SOX5: variants seen among roughly 807,000 people sequenced by gnomAD.
The protein encoded by SOX5 is SRY-box transcription factor 5.
Under a neutral mutation model 92.0 loss-of-function variants are expected in SOX5, and 9 were observed. The ratio of observed to expected loss-of-function variants is 0.10; its 90% CI spans 0.06 to 0.17. The LOEUF (loss-of-function observed/expected upper bound fraction) is 0.17. Among genes scored for constraint, SOX5 ranks in the 10% least tolerant of loss-of-function variants. The probability of loss-of-function intolerance (pLI) is 1.00; values close to 1 mark genes in which losing one functional copy is unlikely to be tolerated. For missense variants in SOX5, 642 were observed against 944.5 expected (o/e 0.68, Z 4.20); for synonymous variants, 344 against 336.3 (o/e 1.02, Z -0.25).
chr12:23,981,827 C>G (rs1267089219), intron 4 of SOX5, among the ~76,000 whole-genome samples: 1 of 152,092 alleles, frequency 6.6e-6, no homozygotes, highest in East Asian at 1.9e-4. Context: ...CTTTCTAATT[C>G]ATAAAACACA....
chr12:23,698,412 T>C (rs1476742814), intron 6 of SOX5, among the ~76,000 whole-genome samples: 1 of 152,296 alleles, frequency 6.6e-6, no homozygotes, highest in Middle Eastern at 3.4e-3. Flanking sequence ...CTGAATAGTT[T>C]TAATTGCTAT....
chr12:23,915,486 C>T (rs1368879469), intron 1 of SOX5, among the ~76,000 whole-genome samples: 1 of 151,976 alleles, frequency 6.6e-6, no homozygotes, highest in Non-Finnish European at 1.5e-5. Context: ...CTGAATCTTG[C>T]TAGAAAAGTG....
At chr12:23,785,497 A>G (rs941708571) in intron 3 of SOX5, among the ~76,000 whole-genome samples, 4 of 152,226 alleles carry the variant, frequency 2.6e-5, no homozygotes, top group African/African-American at 9.6e-5. Flanking sequence ...CAAATAGTAA[A>G]TTTTGATAAT....
intron 4 of SOX5, among the ~76,000 whole-genome samples, chr12:23,989,307 T>G (rs1195130846): frequency 6.6e-6 from 1 of 151,668 alleles, no homozygotes; most frequent in Non-Finnish European, 1.5e-5. Context: ...TGGGAAGATT[T>G]CTTAAGCCTG....
intron 3 of SOX5, among the ~76,000 whole-genome samples, chr12:23,804,002 G>A (rs1490508106): frequency 1.3e-5 from 2 of 152,142 alleles, no homozygotes; most frequent in African/African-American, 2.4e-5. Flanking sequence ...ACAACAAAAA[G>A]TTATAGGTTT....
In SOX5 at chr12:24,398,900, C is replaced by T. The variant is rs552401840; in HGVS notation, c.-250-30261G>A. On this transcript the variant is annotated intron_variant, in intron 1 of 4. Coordinates refer to the SOX5 transcript ENST00000446891. The stretch of plus-strand genomic sequence containing the variant: ...CACGTGCACTGGGTATTACCATGAC[C>T]TCGGGCTCCACACCTGTGTCAGAAT... Among the ~76,000 whole-genome samples the T allele has an allele frequency of 3.9e-5, 6 of 152,206 alleles. No individual in the cohort carries two copies. In the East Asian group the frequency reaches 9.7e-4, roughly 25 times the overall value.
At chr12:23,899,772 G>C (rs1432353946) in intron 1 of SOX5, among the ~76,000 whole-genome samples, 1 of 152,158 alleles carries the variant, frequency 6.6e-6, no homozygotes, top group Non-Finnish European at 1.5e-5. Context: ...ACAACTATTT[G>C]ATGATCAGCT....
chr12:24,319,086 G>T (rs772688972), intron 2 of SOX5, among the ~76,000 whole-genome samples: 1 of 152,176 alleles, frequency 6.6e-6, no homozygotes, highest in Non-Finnish European at 1.5e-5. Context: ...CTGAGGAAGA[G>T]GTGCTCTTCT....
At chr12:23,689,561 T>C (rs1042352108) in intron 6 of SOX5, among the ~76,000 whole-genome samples, 1 of 152,194 alleles carries the variant, frequency 6.6e-6, no homozygotes, top group East Asian at 1.9e-4. Context: ...TTCTCATCTA[T>C]TTTTATGCTT....
intron 1 of SOX5, among the ~76,000 whole-genome samples, chr12:24,430,636 T>A (rs1240259014): frequency 6.6e-6 from 1 of 152,028 alleles, no homozygotes; most frequent in African/African-American, 2.4e-5. Flanking sequence ...AGGAGATCAT[T>A]TTCTAATTTT....
At chr12:23,957,582 A>C (rs1327454481) in intron 4 of SOX5, among the ~76,000 whole-genome samples, 1 of 152,230 alleles carries the variant, frequency 6.6e-6, no homozygotes, top group East Asian at 1.9e-4. Context: ...TAATGTTAGA[A>C]ATCCTGACAG....
intron 4 of SOX5, among the ~76,000 whole-genome samples, chr12:24,143,494 T>C (rs912421111): frequency 3.3e-5 from 5 of 151,980 alleles, no homozygotes; most frequent in Non-Finnish European, 5.9e-5. Flanking sequence ...AATAAAAGCA[T>C]GGAAAATTTA....
In SOX5 at chr12:24,392,219, T is replaced by C. The variant is rs373302560; in HGVS notation, c.-250-23580A>G. ...GCAATGGTCTTTCCACCTATCTCCC[T>C]GTTCGAGTCTTATCCTCCAGTCTGT... On this transcript the variant is annotated intron_variant, in intron 1 of 4. Transcript: ENST00000446891. Among the ~76,000 whole-genome samples the C allele has an allele frequency of 1.4e-3, 212 of 152,308 alleles. 1 individual carries two copies. Among genetic ancestry groups the C allele is most frequent in the African/African-American group, 5.0e-3 (207 of 41,556 alleles).
intron 4 of SOX5, among the ~76,000 whole-genome samples, chr12:24,136,645 C>T (rs1950135654): frequency 6.6e-6 from 1 of 152,164 alleles, no homozygotes; most frequent in South Asian, 2.1e-4. Flanking sequence ...GTGGGGAGGG[C>T]AGTCTTGGCT....
intron 6 of SOX5, among the ~76,000 whole-genome samples, chr12:23,696,952 A>T (rs2089967175): frequency 6.6e-6 from 1 of 152,146 alleles, no homozygotes; most frequent in African/African-American, 2.4e-5. Flanking sequence ...TTGATCACAA[A>T]ACATGGTTTA....
At chr12:24,449,553 C>A (rs961829385) in intron 1 of SOX5, among the ~76,000 whole-genome samples, 24 of 152,174 alleles carry the variant, frequency 1.6e-4, no homozygotes, top group Non-Finnish European at 7.3e-5. Flanking sequence ...TTGCTTTTGT[C>A]TGTGAGTTTT....
chr12:24,542,941 T>C (rs868420812), intron 1 of SOX5, among the ~76,000 whole-genome samples: 2 of 152,246 alleles, frequency 1.3e-5, no homozygotes, highest in African/African-American at 2.4e-5. Flanking sequence ...AAGAAGATAA[T>C]GAGTCTTCAC....
At chr12:24,540,976 C>A (rs957817461) in intron 1 of SOX5, among the ~76,000 whole-genome samples, 1 of 152,082 alleles carries the variant, frequency 6.6e-6, no homozygotes, top group Non-Finnish European at 1.5e-5. Context: ...CTTAACATAA[C>A]CCTTTTAATC....
chr12:24,193,060 T>G (rs912320184), intron 4 of SOX5, among the ~76,000 whole-genome samples: 1 of 152,208 alleles, frequency 6.6e-6, no homozygotes, highest in Non-Finnish European at 1.5e-5. Context: ...TGTTCCAGTA[T>G]AGTCTAAGGA....
Sources: allele counts gnomAD v4.1 joint callset (sites outside exome capture counted in the v4.1 genomes callset), GRCh38; gene constraint gnomAD v4.1.1; transcripts MANE v1.5; gene names NCBI Gene and HGNC (gene_info 2026-07-23, HGNC 2026-07-21).